Variants in RHOU observed in about 807,000 individuals in gnomAD.
RHOU encodes rho-related GTP-binding protein RhoU.
RHOU carries 8 observed loss-of-function variants against 12.6 expected under a neutral mutation model. The observed-to-expected ratio is 0.64, with a 90% CI of 0.37 to 1.15. RHOU has a LOEUF of 1.15. Ranked by LOEUF, RHOU falls within the 50% of genes most tolerant of loss-of-function variation. The pLI, the probability that RHOU is intolerant of heterozygous loss-of-function variation, is 0.01. For synonymous variants in RHOU, 161 were observed against 147.4 expected (o/e 1.09, Z -0.67); for missense variants, 258 against 347.0 (o/e 0.74, Z 2.04).
chr1:228,707,729 G>T, the RHOU span, among the ~76,000 whole-genome samples: 1 of 152,090 alleles, frequency 6.6e-6, no homozygotes, highest in Non-Finnish European at 1.5e-5. Flanking sequence ...AGAAAAACTG[G>T]AAACTCTAAA....
upstream of RHOU, chr1:228,735,368 C>T (rs1662573908): frequency 6.5e-6 from 1 of 154,814 alleles, no homozygotes; most frequent in East Asian, 1.9e-4. This position sits in a 1 kb window ranked among gnomAD's most constrained non-coding sequence, Gnocchi z 8.1. Flanking sequence ...GCGCTGTGGT[C>T]TTGGCGCGGG....
the RHOU span, among the ~76,000 whole-genome samples, chr1:228,652,919 T>A: frequency 6.6e-6 from 1 of 152,342 alleles, no homozygotes; most frequent in East Asian, 1.9e-4. Flanking sequence ...GCATTTATTT[T>A]TTTCTTCCTA....
the RHOU span, among the ~76,000 whole-genome samples, chr1:228,655,903 G>A: frequency 2.0e-5 from 3 of 152,158 alleles, no homozygotes; most frequent in African/African-American, 4.8e-5. Flanking sequence ...ACTATCACAC[G>A]AAAGACTCTG....
the RHOU span, among the ~76,000 whole-genome samples, chr1:228,669,727 T>C: frequency 6.6e-6 from 1 of 152,334 alleles, no homozygotes; most frequent in Admixed American, 6.5e-5. Flanking sequence ...CTGATAATAA[T>C]GGCATGACCG....
chr1:228,689,583 G>C, the RHOU span, among the ~76,000 whole-genome samples: 2 of 152,126 alleles, frequency 1.3e-5, no homozygotes, highest in Non-Finnish European at 2.9e-5. Flanking sequence ...GTGCTGGTCT[G>C]TGGTCTGTTA....
At chr1:228,730,282 A>C in the RHOU span, among the ~76,000 whole-genome samples, 1 of 152,174 alleles carries the variant, frequency 6.6e-6, no homozygotes, top group Non-Finnish European at 1.5e-5. Flanking sequence ...GAGAAAAGCC[A>C]ATAGTAAGTT....
the RHOU span, among the ~76,000 whole-genome samples, chr1:228,690,159 A>G: frequency 6.0e-3 from 895 of 149,442 alleles, 23 homozygotes; most frequent in East Asian, 0.072. Context: ...TTTTATTTAA[A>G]AGATTTGTTT....
At chr1:228,693,261 A>T in the RHOU span, among the ~76,000 whole-genome samples, 3 of 152,240 alleles carry the variant, frequency 2.0e-5, no homozygotes, top group Non-Finnish European at 4.4e-5. Context: ...TTGAGGTGAC[A>T]TAGCAGAGTT....
chr1:228,683,137 C>T, the RHOU span, among the ~76,000 whole-genome samples: 1 of 152,176 alleles, frequency 6.6e-6, no homozygotes, highest in Non-Finnish European at 1.5e-5. Context: ...GTCAACTACA[C>T]CTGACAGATC....
chr1:228,690,761 G>A, the RHOU span, among the ~76,000 whole-genome samples: 1 of 152,060 alleles, frequency 6.6e-6, no homozygotes, highest in Non-Finnish European at 1.5e-5. Flanking sequence ...GAGATTACAG[G>A]CGCCCACCAC....
At chr1:228,670,436 T>G in the RHOU span, among the ~76,000 whole-genome samples, 1 of 152,128 alleles carries the variant, frequency 6.6e-6, no homozygotes, top group Admixed American at 6.5e-5. Flanking sequence ...TTCCAACAAA[T>G]GATGAGAATG....
At chr1:228,697,495 C>G in the RHOU span, among the ~76,000 whole-genome samples, 1 of 152,086 alleles carries the variant, frequency 6.6e-6, no homozygotes, top group Non-Finnish European at 1.5e-5. Flanking sequence ...TCAGTAAGGC[C>G]GAGTTGCCAG....
chr1:228,647,253 T>G, the RHOU span, among the ~76,000 whole-genome samples: 1 of 152,164 alleles, frequency 6.6e-6, no homozygotes, highest in Non-Finnish European at 1.5e-5. Context: ...TTTCGTAGGC[T>G]CCATTCTTTC....
At position 228,743,523 on chromosome 1, in the gene RHOU, C is replaced by T. The variant is rs150269150; in HGVS notation, c.560C>T (p.Ala187Val). The change falls in exon 3 of 3, where the codon GCG becomes GTG. Residue 187 changes from alanine to valine, a missense_variant. By Grantham distance (64) the Ala-to-Val change is moderately conservative. Coordinates refer to ENST00000366691, the MANE Select transcript of RHOU (RefSeq NM_021205.6). The surrounding 1 kb of genome is among the most constrained non-coding windows in gnomAD (Gnocchi z 5.1). ...AAAGAAAAGCCAGTGCCTGAAGAGG[C>T]GGCTAAGCTGTGCGCCGAGGAAATC... ...KCKEKPVPEE[A>V]AKLCAEEIKA... The T allele has an allele frequency of 7.4e-6, 12 of 1,614,040 alleles. No individual in the cohort carries two copies. Among genetic ancestry groups the T allele is most frequent in the East Asian group, 2.2e-5 (1 of 44,890 alleles).
the RHOU span, among the ~76,000 whole-genome samples, chr1:228,726,543 T>G: frequency 6.6e-6 from 1 of 151,746 alleles, no homozygotes; most frequent in Non-Finnish European, 1.5e-5. Context: ...CACGCGCCTG[T>G]AATCGCAGCT....
chr1:228,721,657 G>A, the RHOU span, among the ~76,000 whole-genome samples: 1 of 152,110 alleles, frequency 6.6e-6, no homozygotes, highest in Admixed American at 6.5e-5. Context: ...CCCAGACTTT[G>A]GTTTTGTTTT....
At chr1:228,722,779 A>C in the RHOU span, among the ~76,000 whole-genome samples, 6 of 151,944 alleles carry the variant, frequency 3.9e-5, no homozygotes, top group South Asian at 1.2e-3. Flanking sequence ...TGTGCCACCA[A>C]GCCTGGCTAA....
the RHOU span, among the ~76,000 whole-genome samples, chr1:228,725,935 A>T: frequency 1.3e-5 from 2 of 152,248 alleles, no homozygotes; most frequent in African/African-American, 2.4e-5. Context: ...TCAATGGAGT[A>T]TGATAAATGT....
intron 1 of RHOU, 107 bp downstream of exon 1, chr1:228,736,111 G>C: frequency 8.7e-7 from 1 of 1,146,554 alleles, no homozygotes; most frequent in Middle Eastern, 2.4e-4. Context: ...GCAGGGCCCC[G>C]GGCGCGGCTC....
Sources: allele counts gnomAD v4.1 joint callset (sites outside exome capture counted in the v4.1 genomes callset), GRCh38; gene constraint gnomAD v4.1.1; non-coding constraint Gnocchi (gnomAD v3.1); transcripts MANE v1.5; gene names NCBI Gene and HGNC (gene_info 2026-07-23, HGNC 2026-07-21).